ZNF730: variants seen among roughly 807,000 people sequenced by gnomAD.
The protein encoded by ZNF730 is putative zinc finger protein 730.
ZNF730 carries 12 observed loss-of-function variants against 12.6 expected under a neutral mutation model. That is an observed-to-expected ratio of 0.95 (90% CI 0.61 to 1.54). ZNF730 has a LOEUF of 1.54. Ranked by LOEUF, ZNF730 falls within the 40% of genes most tolerant of loss-of-function variation. The pLI is 0.00. For missense variants in ZNF730, 643 were observed against 583.5 expected (o/e 1.10, Z -1.05); for synonymous variants, 194 against 195.8 (o/e 0.99, Z 0.08).
At chr19:23,085,813 C>T (rs1174366904) in intron 1 of ZNF730, among the ~76,000 whole-genome samples, 2 of 137,198 alleles carry the variant, frequency 1.5e-5, no homozygotes, top group Non-Finnish European at 3.1e-5. Context: ...CGCACCCAGA[C>T]CTATTTCACC....
At chr19:23,144,530 C>A (rs1292187732) in intron 3 of ZNF730, among the ~76,000 whole-genome samples, 1 of 151,816 alleles carries the variant, frequency 6.6e-6, no homozygotes, top group African/African-American at 2.4e-5. Flanking sequence ...GAAATCCCAT[C>A]TCTACTAAAA....
upstream of ZNF730, among the ~76,000 whole-genome samples, chr19:23,112,889 G>A (rs7247616): frequency 9.0e-3 from 1,370 of 152,244 alleles, 28 homozygotes; most frequent in African/African-American, 0.032. Context: ...CATTGCCAGG[G>A]TGCCATTACT....
At chr19:23,095,581 C>G (rs1326593891) in intron 1 of ZNF730, 3 of 396,304 alleles carry the variant, frequency 7.6e-6, no homozygotes, top group African/African-American at 6.2e-5. Context: ...TGTCACTGGG[C>G]CTAATACTAA....
intron 1 of ZNF730, among the ~76,000 whole-genome samples, chr19:23,120,856 C>A (rs1215766827): frequency 6.6e-6 from 1 of 152,096 alleles, no homozygotes; most frequent in Non-Finnish European, 1.5e-5. Flanking sequence ...TTCCCTCTTA[C>A]CACTGTCTTA....
intron 1 of ZNF730, among the ~76,000 whole-genome samples, chr19:23,110,387 C>T (rs540979532): frequency 1.3e-4 from 19 of 146,434 alleles, no homozygotes; most frequent in Middle Eastern, 4.0e-3. Context: ...AGCGATTCTC[C>T]TGCCTCAGCC....
chr19:23,117,161 T>A lies in ZNF730; in HGVS notation c.-13T>A, dbSNP rs747131241. On this transcript the variant is annotated 5_prime_UTR_variant, in exon 1 of 4. Coordinates refer to ENST00000597761, the MANE Select transcript of ZNF730 (RefSeq NM_001277403.2). ...CCACAGCTAAGACGCCAGGGCCCCCTGGAAGCCTAGAAATGGTGAGAGTGC... is the reference window on the plus strand; with the variant it reads ...CCACAGCTAAGACGCCAGGGCCCCCAGGAAGCCTAGAAATGGTGAGAGTGC... 6.8e-6 allele frequency: 11 copies of A among 1,613,818 alleles called. No individual in the cohort carries two copies. In the South Asian group the frequency reaches 1.2e-4, roughly 18 times the overall value.
At chr19:23,099,566 T>G (rs1970305513) in intron 1 of ZNF730, among the ~76,000 whole-genome samples, 1 of 152,212 alleles carries the variant, frequency 6.6e-6, no homozygotes. Flanking sequence ...GTTGGGTTGA[T>G]GACTCTTTAA....
chr19:23,124,368 A>T (rs1301001245), intron 1 of ZNF730, among the ~76,000 whole-genome samples: 2 of 152,212 alleles, frequency 1.3e-5, no homozygotes, highest in Non-Finnish European at 2.9e-5. Context: ...CCACAACTAT[A>T]CCTACCAGTA....
rs1203293958 is a variant in ZNF730, at chr19:23,145,690, T to A, written c.646T>A (p.Cys216Ser). The A allele has an allele frequency of 2.6e-6, 4 of 1,555,696 alleles. No homozygotes were observed. In the East Asian group the frequency reaches 9.6e-5, roughly 37 times the overall value. ...YGKAFNESSN[C>S]TTHKRITEKK... ...CAAAGCCTTTAATGAGTCCTCAAAC[T>A]GTACTACACATAAAAGAATTACTGA... The change falls in exon 4 of 4, where the codon TGT becomes AGT. Residue 216 changes from cysteine to serine, a missense_variant. Cys to Ser is a moderately radical substitution (Grantham distance 112). Coordinates refer to ENST00000597761, the MANE Select transcript of ZNF730 (RefSeq NM_001277403.2).
intron 2 of ZNF730, among the ~76,000 whole-genome samples, chr19:23,135,678 T>G (rs1970820377): frequency 6.6e-6 from 1 of 152,000 alleles, no homozygotes. Context: ...ACCTAGCTAA[T>G]TTTTTCGTAT....
At chr19:23,143,897 G>T (rs1040874594) in intron 3 of ZNF730, 2 of 151,620 alleles carry the variant, frequency 1.3e-5, no homozygotes, top group Non-Finnish European at 2.9e-5. Flanking sequence ...ATATGTATTT[G>T]TTATAAATAT....
chr19:23,137,966 G>A (rs925859874), intron 3 of ZNF730, among the ~76,000 whole-genome samples: 8 of 152,322 alleles, frequency 5.3e-5, no homozygotes, highest in Non-Finnish European at 7.3e-5. Flanking sequence ...TATATGGTGG[G>A]CTTTATATCA....
chr19:23,097,406 A>AT (rs1337582770), intron 1 of ZNF730, among the ~76,000 whole-genome samples: 2 of 152,010 alleles, frequency 1.3e-5, no homozygotes, highest in African/African-American at 4.8e-5. Context: ...TGCTGATTTC[A>AT]TACCGAGCTG....
In ZNF730 at chr19:23,145,460, C is replaced by T. The variant is rs761245823; in HGVS notation, c.416C>T (p.Thr139Ile). 3 of 1,569,592 alleles carry T rather than the reference C, an allele frequency of 1.9e-6. No homozygotes were observed. The highest frequency in any genetic ancestry group is 2.6e-6 in the Non-Finnish European group (3 of 1,159,286). ...AATAGACATAACCAGTGTTTGACAA[C>T]TTCCCATAGCAAAATATTTCAGTGT... ...GYNRHNQCLT[T>I]SHSKIFQCDK... is the part of the protein sequence containing the mutation. The change falls in exon 4 of 4, where the codon ACT becomes ATT. Residue 139 changes from threonine to isoleucine, a missense_variant. Transcript: ENST00000597761.
chr19:23,137,804 C>A (rs1428871177), intron 3 of ZNF730, among the ~76,000 whole-genome samples: 1 of 152,230 alleles, frequency 6.6e-6, no homozygotes, highest in East Asian at 1.9e-4. Context: ...AACAAGGCTG[C>A]TGGGTCTTCA....
At chr19:23,118,393 T>A (rs528925124) in intron 1 of ZNF730, among the ~76,000 whole-genome samples, 1 of 152,178 alleles carries the variant, frequency 6.6e-6, no homozygotes, top group South Asian at 2.1e-4. Context: ...TTTTAATTTT[T>A]ATGGGATGAT....
intron 1 of ZNF730, among the ~76,000 whole-genome samples, chr19:23,106,886 A>G (rs1031950170): frequency 3.9e-5 from 6 of 151,982 alleles, no homozygotes; most frequent in African/African-American, 1.2e-4. Context: ...GTCAAAAACT[A>G]TACACAAACT....
upstream of ZNF730, among the ~76,000 whole-genome samples, chr19:23,114,712 G>C (rs202098831): frequency 6.6e-6 from 1 of 152,000 alleles, no homozygotes; most frequent in African/African-American, 2.4e-5. Flanking sequence ...TGAATAATCT[G>C]TTGTTGGGCT....
intron 1 of ZNF730, among the ~76,000 whole-genome samples, chr19:23,077,620 T>G (rs889920764): frequency 6.6e-6 from 1 of 151,686 alleles, no homozygotes; most frequent in African/African-American, 2.4e-5. Flanking sequence ...TTTTGTATTT[T>G]TAGTAGAGAT....
Sources: gnomAD v4.1 joint callset for allele counts (sites outside exome capture counted in the v4.1 genomes callset) on GRCh38, gnomAD v4.1.1 for gene constraint, MANE v1.5 for transcripts, NCBI Gene and HGNC (gene_info 2026-07-23, HGNC 2026-07-21) for gene names.